GPR107: variants seen among roughly 807,000 people sequenced by gnomAD.
The protein encoded by GPR107 is protein GPR107.
Under a neutral mutation model 75.5 loss-of-function variants are expected in GPR107, and 31 were observed. That is an observed-to-expected ratio of 0.41 (90% CI 0.31 to 0.55). GPR107 has a LOEUF of 0.55. Among genes scored for constraint, GPR107 ranks in the 20% least tolerant of loss-of-function variants. The pLI, the probability that GPR107 is intolerant of heterozygous loss-of-function variation, is 0.26. For synonymous variants in GPR107, 267 were observed against 251.3 expected (o/e 1.06, Z -0.59); for missense variants, 572 against 665.7 (o/e 0.86, Z 1.55).
intron 5 of GPR107, among the ~76,000 whole-genome samples, chr9:130,082,091 A>T (rs1830505295): frequency 1.3e-5 from 2 of 152,020 alleles, no homozygotes; most frequent in African/African-American, 2.4e-5. Context: ...AAACAACCAG[A>T]TCATGCCTGA....
At chr9:130,114,029 C>CTTTTTTTTTTTTTTTTTTTTTT (rs60616601) in intron 14 of GPR107, among the ~76,000 whole-genome samples, 17 of 90,660 alleles carry the variant, frequency 1.9e-4, no homozygotes, top group Admixed American at 2.7e-4. Flanking sequence ...TCTTCTCATT[C>CTTTTTTTTTTTTTTTTTTTTTT]TTTTTTTTTT....
chr9:130,086,398 A>G, intron 6 of GPR107, 22 bp from the exon 7 acceptor site: 1 of 1,204,916 alleles, frequency 8.3e-7, no homozygotes, highest in Non-Finnish European at 1.2e-6. Context: ...TCATCCTAAA[A>G]CATACTATTA....
chr9:130,058,275 G>A (rs937383372), intron 1 of GPR107, among the ~76,000 whole-genome samples: 2 of 152,020 alleles, frequency 1.3e-5, no homozygotes, highest in Non-Finnish European at 2.9e-5. Flanking sequence ...TAAGTTTACC[G>A]AGTTGTACAG....
chr9:130,074,367 T>G (rs1830289464), intron 1 of GPR107, among the ~76,000 whole-genome samples: 1 of 152,134 alleles, frequency 6.6e-6, no homozygotes. Context: ...ACCCCAAATC[T>G]AGAAATAAAA....
chr9:130,107,063 GTGC>G (rs1831176258), intron 13 of GPR107, among the ~76,000 whole-genome samples: 2 of 152,190 alleles, frequency 1.3e-5, no homozygotes, highest in Admixed American at 6.5e-5. Flanking sequence ...AGTTTGCATG[GTGC>G]TGTATGTTCA....
At chr9:130,119,791 C>T (rs1249384606) in intron 14 of GPR107, among the ~76,000 whole-genome samples, 4 of 151,688 alleles carry the variant, frequency 2.6e-5, no homozygotes, top group South Asian at 2.1e-4. Context: ...GATGGCATCA[C>T]GACTGGTGGG....
chr9:130,094,499 A>C (rs1314173612), intron 9 of GPR107, among the ~76,000 whole-genome samples: 1 of 151,954 alleles, frequency 6.6e-6, no homozygotes, highest in African/African-American at 2.4e-5. Context: ...CTTGAGCCCA[A>C]GGGTTCGAGG....
At chr9:130,078,940 G>A (rs1391205838) in intron 4 of GPR107, among the ~76,000 whole-genome samples, 1 of 152,124 alleles carries the variant, frequency 6.6e-6, no homozygotes, top group African/African-American at 2.4e-5. Context: ...CTGCCCTCTC[G>A]TGCTTCCCTG....
intron 14 of GPR107, among the ~76,000 whole-genome samples, chr9:130,122,750 C>T (rs540225667): frequency 1.3e-5 from 2 of 152,312 alleles, no homozygotes; most frequent in South Asian, 2.1e-4. Flanking sequence ...AGGCCAGACG[C>T]AGTGTCTCAC....
At chr9:130,120,301 G>C (rs1193802781) in intron 14 of GPR107, among the ~76,000 whole-genome samples, 4 of 152,150 alleles carry the variant, frequency 2.6e-5, no homozygotes, top group African/African-American at 9.7e-5. Context: ...GCGGCTCATA[G>C]CCCACCTCCC....
Position 130,067,752 on chromosome 9 carries a change from C to CTT in GPR107, c.142-7873_142-7872dup, listed in dbSNP as rs11409264. 6.0e-3 allele frequency among the ~76,000 whole-genome samples: 699 copies of CTT among 116,770 alleles called. 28 individuals carry two copies. Among genetic ancestry groups the CTT allele is most frequent in the East Asian group, 0.01 (41 of 3,968 alleles). The allele number at this position is 116,770 out of a possible 152,430, so 76.6% of individuals were successfully genotyped here. ...ACTGGTAGTCCCCCCCCACCGCCCC[C>CTT]TTTTTTTTTTTTGAGACAGTCTCAC... is the stretch of plus-strand genomic sequence containing the variant. On this transcript the variant is annotated intron_variant, in intron 1 of 17. Coordinates refer to ENST00000347136, the MANE Select transcript of GPR107 (RefSeq NM_020960.5).
chr9:130,115,902 C>T (rs917918106), intron 14 of GPR107, among the ~76,000 whole-genome samples: 1 of 152,154 alleles, frequency 6.6e-6, no homozygotes, highest in African/African-American at 2.4e-5. Context: ...CGTGCCCAGC[C>T]AATGTGTGTT....
At chr9:130,076,355 A>G (rs1323813644) in intron 2 of GPR107, 57 bp from the exon 3 acceptor site, 3 of 1,073,320 alleles carry the variant, frequency 2.8e-6, no homozygotes, top group Admixed American at 3.5e-5. Context: ...TTTTTGAGTA[A>G]GAAAAGTATG....
chr9:130,081,682 A>G (rs540372767), intron 5 of GPR107, among the ~76,000 whole-genome samples: 1 of 149,990 alleles, frequency 6.7e-6, no homozygotes, highest in African/African-American at 2.5e-5. Context: ...AAAAAAAAAA[A>G]AACAAAAAAC....
intron 7 of GPR107, among the ~76,000 whole-genome samples, chr9:130,089,127 G>T (rs1830676048): frequency 2.0e-5 from 3 of 151,774 alleles, no homozygotes; most frequent in Admixed American, 2.0e-4. Flanking sequence ...CCGAGATCAC[G>T]CCACTGCACT....
At chr9:130,054,649 C>T (rs986974636) in intron 1 of GPR107, among the ~76,000 whole-genome samples, 4 of 152,212 alleles carry the variant, frequency 2.6e-5, no homozygotes, top group East Asian at 1.9e-4. Context: ...GCTTTTTCTT[C>T]CTCTATCCAG....
At chr9:130,132,594 C>T (rs868965265) in intron 17 of GPR107, among the ~76,000 whole-genome samples, 2 of 152,260 alleles carry the variant, frequency 1.3e-5, no homozygotes, top group Middle Eastern at 3.4e-3. Context: ...TGAGACCAGT[C>T]TCGCCAACAT....
At chr9:130,096,147 C>G (rs570887867) in intron 9 of GPR107, among the ~76,000 whole-genome samples, 1 of 152,300 alleles carries the variant, frequency 6.6e-6, no homozygotes, top group East Asian at 1.9e-4. Flanking sequence ...GACTGCAAGT[C>G]AAGGTTGCCA....
At chr9:130,065,170 G>C (rs1369049885) in intron 1 of GPR107, among the ~76,000 whole-genome samples, 1 of 152,174 alleles carries the variant, frequency 6.6e-6, no homozygotes, top group Non-Finnish European at 1.5e-5. Context: ...GATATTCGCA[G>C]CCGGGCACGG....
Sources: allele counts gnomAD v4.1 joint callset (sites outside exome capture counted in the v4.1 genomes callset), GRCh38; gene constraint gnomAD v4.1.1; transcripts MANE v1.5; gene names NCBI Gene and HGNC (gene_info 2026-07-23, HGNC 2026-07-21).